The following RAPGEF5 variants were observed in gnomAD, a reference collection of about 807,000 sequenced individuals.
RAPGEF5 encodes Rap guanine nucleotide exchange factor 5.
Under a neutral mutation model 125.2 loss-of-function variants are expected in RAPGEF5, and 65 were observed. The observed-to-expected ratio is 0.52, with a 90% CI of 0.43 to 0.64. The LOEUF is 0.64. Ranked by LOEUF, RAPGEF5 falls within the 30% of genes least tolerant of loss-of-function variation. RAPGEF5 has a pLI of 0.00. For missense variants in RAPGEF5, 958 were observed against 1,048.1 expected (o/e 0.91, Z 1.19); for synonymous variants, 391 against 385.9 (o/e 1.01, Z -0.16).
At chr7:22,225,862 T>C (rs1404031685) in intron 8 of RAPGEF5, among the ~76,000 whole-genome samples, 2 of 152,222 alleles carry the variant, frequency 1.3e-5, no homozygotes, top group Non-Finnish European at 2.9e-5. Context: ...TAATGTATAA[T>C]TAAAGTTATT....
intron 7 of RAPGEF5, among the ~76,000 whole-genome samples, chr7:22,259,419 G>A (rs547624098): frequency 6.6e-6 from 1 of 152,316 alleles, no homozygotes; most frequent in African/African-American, 2.4e-5. Flanking sequence ...ATGCAAAATA[G>A]TATAGCCACT....
chr7:22,327,143 A>C (rs1783829535), intron 1 of RAPGEF5, among the ~76,000 whole-genome samples: 1 of 152,252 alleles, frequency 6.6e-6, no homozygotes, highest in Admixed American at 6.5e-5. Context: ...GGCCAAATAT[A>C]CAAAAGTACT....
At chr7:22,252,888 T>C (rs1786659749) in intron 7 of RAPGEF5, among the ~76,000 whole-genome samples, 1 of 152,210 alleles carries the variant, frequency 6.6e-6, no homozygotes, top group Admixed American at 6.5e-5. Flanking sequence ...TTTTCAAATA[T>C]GCTTTAACTT....
intron 7 of RAPGEF5, among the ~76,000 whole-genome samples, chr7:22,249,353 A>G (rs540327346): frequency 6.6e-6 from 1 of 151,980 alleles, no homozygotes; most frequent in African/African-American, 2.4e-5. Context: ...TGCTTGGCTA[A>G]TTTTTGTATT....
At chr7:22,206,456 C>T (rs924996608) in intron 9 of RAPGEF5, among the ~76,000 whole-genome samples, 1 of 152,086 alleles carries the variant, frequency 6.6e-6, no homozygotes, top group African/African-American at 2.4e-5. Flanking sequence ...AGTCCCAGCA[C>T]TTTAGGAGGG....
Position 22,356,978 on chromosome 7 carries a change from G to C in RAPGEF5, c.83C>G (p.Ala28Gly), listed in dbSNP as rs1485751679. 9.7e-7 allele frequency: 1 copy of C among 1,029,030 alleles called. No homozygotes were observed. Among genetic ancestry groups the C allele is most frequent in the Non-Finnish European group, 1.2e-6 (1 of 860,572 alleles). 63.7% of individuals were successfully genotyped at this position (1,029,030 alleles called of 1,614,324 possible). ...ALAAAAAVVA[A>G]DGPLRRSPSA... is the part of the protein sequence containing the mutation. ...GGGGCTGCGGCGCAGGGGGCCGTCT[G>C]CCGCCACCACCGCCGCCGCGGCGGC... The change falls in exon 1 of 26, where the codon GCA becomes GGA. Residue 28 changes from alanine (A) to glycine (G), a missense_variant. Ala to Gly is a moderately conservative substitution (Grantham distance 60, BLOSUM62 0). Coordinates refer to ENST00000665637, the MANE Select transcript of RAPGEF5 (RefSeq NM_012294.5).
intron 9 of RAPGEF5, among the ~76,000 whole-genome samples, chr7:22,209,360 A>G (rs1298725491): frequency 1.3e-5 from 2 of 152,204 alleles, no homozygotes; most frequent in Non-Finnish European, 2.9e-5. Flanking sequence ...TCCTTTAATC[A>G]CAAACCTGTA....
chr7:22,295,603 C>T (rs1203361477), intron 5 of RAPGEF5, among the ~76,000 whole-genome samples: 2 of 152,086 alleles, frequency 1.3e-5, no homozygotes, highest in African/African-American at 4.8e-5. Flanking sequence ...TTAGTGTTTC[C>T]TTGGGAGAGG....
At chr7:22,268,730 CG>C (rs1273728785) in intron 6 of RAPGEF5, among the ~76,000 whole-genome samples, 2 of 152,276 alleles carry the variant, frequency 1.3e-5, no homozygotes, top group East Asian at 3.9e-4. Context: ...CACAACGGAT[CG>C]AAACCAGTCA....
intron 11 of RAPGEF5, among the ~76,000 whole-genome samples, chr7:22,168,867 C>G (rs545899535): frequency 6.6e-6 from 1 of 152,052 alleles, no homozygotes; most frequent in Non-Finnish European, 1.5e-5. Context: ...TAAAATGAAC[C>G]AAGGGTGTTA....
intron 6 of RAPGEF5, among the ~76,000 whole-genome samples, chr7:22,285,348 T>G (rs1389762170): frequency 6.6e-6 from 1 of 152,128 alleles, no homozygotes; most frequent in Non-Finnish European, 1.5e-5. Flanking sequence ...CCCCCCAACT[T>G]TCATTCAACG....
Position 22,260,236 on chromosome 7 carries a change from T to C in RAPGEF5, c.796+6728A>G, listed in dbSNP as rs150633019. ...GTCATTATACATTTCTCCAAACCCA[T>C]AGAATGTACAACATCAAGAGTGAGC... On this transcript the variant is annotated intron_variant, in intron 7 of 25. Coordinates refer to ENST00000665637, the MANE Select transcript of RAPGEF5 (RefSeq NM_012294.5). Among the ~76,000 whole-genome samples, 1,400 of 152,272 alleles carry C rather than the reference T, an allele frequency of 9.2e-3. 9 individuals are homozygous for C. The highest frequency in any genetic ancestry group is 0.014 in the Admixed American group (217 of 15,300).
At chr7:22,161,398 G>A (rs189900470) in intron 13 of RAPGEF5, among the ~76,000 whole-genome samples, 1 of 152,100 alleles carries the variant, frequency 6.6e-6, no homozygotes, top group African/African-American at 2.4e-5. Flanking sequence ...TTAGCTGAGT[G>A]TGGTAGTGCA....
chr7:22,352,878 C>A (rs984487712), intron 1 of RAPGEF5, among the ~76,000 whole-genome samples: 40 of 152,072 alleles, frequency 2.6e-4, no homozygotes, highest in Non-Finnish European at 1.5e-5. Flanking sequence ...CATTTTGCAA[C>A]CCCTAATGAA....
In RAPGEF5 at chr7:22,119,026, C is replaced by A. The variant is rs1169281388; in HGVS notation, c.*3380G>T. The A allele has an allele frequency of 1.3e-5, 2 of 152,146 alleles. No individual in the cohort carries two copies. Among genetic ancestry groups the A allele is most frequent in the Non-Finnish European group, 2.9e-5 (2 of 68,040 alleles). The allele number at this position is 152,146 out of a possible 1,614,324, so 9.4% of individuals were successfully genotyped here. A position where few individuals can be genotyped will look rare whatever the true frequency, so the allele number is the denominator to read the frequency against. On this transcript the variant is annotated 3_prime_UTR_variant, in exon 26 of 26. Coordinates refer to ENST00000665637, the MANE Select transcript of RAPGEF5 (RefSeq NM_012294.5). This position sits in a 1 kb window ranked among gnomAD's most constrained non-coding sequence, Gnocchi z 4.1. ...ACCACTGCGGAAGACCCGATCGTCC[C>A]CATTTTAATGTTTTTGCCCAGTTTC...
intron 5 of RAPGEF5, among the ~76,000 whole-genome samples, chr7:22,305,137 C>G (rs1783306539): frequency 6.6e-6 from 1 of 152,200 alleles, no homozygotes; most frequent in Non-Finnish European, 1.5e-5. Context: ...CCACTTAATC[C>G]TTGTGTGACC....
chr7:22,187,093 GA>G (rs1784847351), intron 11 of RAPGEF5, among the ~76,000 whole-genome samples: 1 of 152,190 alleles, frequency 6.6e-6, no homozygotes, highest in South Asian at 2.1e-4. Context: ...CGAGGCTGAA[GA>G]AATGTAGCAG....
chr7:22,160,701 G>A (rs1040519232), intron 13 of RAPGEF5, 86 bp from the exon 14 acceptor site: 3 of 1,382,494 alleles, frequency 2.2e-6, no homozygotes, highest in East Asian at 2.8e-5. Flanking sequence ...TCCTAACACA[G>A]GAAATAAGGA....
At chr7:22,290,617 C>T (rs1424836179) in intron 6 of RAPGEF5, among the ~76,000 whole-genome samples, 5 of 150,804 alleles carry the variant, frequency 3.3e-5, no homozygotes, top group Non-Finnish European at 5.9e-5. Context: ...TAGTGGCGGG[C>T]GCCTGTAGTC....
Sources: allele counts gnomAD v4.1 joint callset (sites outside exome capture counted in the v4.1 genomes callset), GRCh38; gene constraint gnomAD v4.1.1; non-coding constraint Gnocchi (gnomAD v3.1); transcripts MANE v1.5; gene names NCBI Gene and HGNC (gene_info 2026-07-23, HGNC 2026-07-21).